Variants in MAP3K5 observed in about 807,000 individuals in gnomAD.
The protein encoded by MAP3K5 is mitogen-activated protein kinase kinase kinase 5, also known as ASK-1.
MAP3K5 carries 56 observed loss-of-function variants against 158.7 expected under a neutral mutation model. That is an observed-to-expected ratio of 0.35 (90% CI 0.28 to 0.44). The LOEUF is 0.44. Among genes scored for constraint, MAP3K5 ranks in the 20% least tolerant of loss-of-function variants. MAP3K5 has a pLI of 1.00. For synonymous variants in MAP3K5, 579 were observed against 601.7 expected (o/e 0.96, Z 0.55); for missense variants, 1,294 against 1,674.8 (o/e 0.77, Z 3.97).
At chr6:136,694,445 G>T in intron 6 of MAP3K5, 135 bp from the exon 7 acceptor site, 1 of 711,926 alleles carries the variant, frequency 1.4e-6, no homozygotes, top group Non-Finnish European at 2.2e-6. Context: ...GATTTTGAGA[G>T]TCCTCTGTAA....
rs764157220 is a variant in MAP3K5 at position 136,592,442 on chromosome 6, A to G, written c.3051T>C (p.Phe1017=). 4.3e-6 allele frequency: 7 copies of G among 1,613,848 alleles called. No individual in the cohort carries two copies. In the African/African-American group the frequency reaches 8.0e-5, roughly 18 times the overall value. The change falls in exon 22 of 30, where the codon TTT becomes TTC. Residue 1017 remains phenylalanine, a synonymous_variant. Coordinates refer to ENST00000359015, the MANE Select transcript of MAP3K5 (RefSeq NM_005923.4). ...ERDVKGIRTL[F]LGIPDENFED... ...CAAGTAAGTCAGGTCTTTACCCCAA[A>G]AAGAGTGTCCGAATTCCCTTGACAT...
In MAP3K5 at chr6:136,557,090, T is replaced by C. The variant is rs1311088767; in HGVS notation, c.*668A>G. 1 of 152,176 alleles carries C rather than the reference T, an allele frequency of 6.6e-6. No individual in the cohort carries two copies. The highest frequency in any genetic ancestry group is 2.4e-5 in the African/African-American group (1 of 41,438). The allele number at this position is 152,176 out of a possible 1,614,324, so 9.4% of individuals were successfully genotyped here. On this transcript the variant is annotated 3_prime_UTR_variant, in exon 30 of 30. Coordinates refer to ENST00000359015, the MANE Select transcript of MAP3K5 (RefSeq NM_005923.4). ...AATTTTTAGAGTAAATATGACACAATGGATAGCTTTAGAACAAGCTAACAT... is the reference window on the plus strand; with the variant it reads ...AATTTTTAGAGTAAATATGACACAACGGATAGCTTTAGAACAAGCTAACAT...
intron 21 of MAP3K5, among the ~76,000 whole-genome samples, chr6:136,598,933 A>T (rs1054834110): frequency 1.3e-5 from 2 of 152,166 alleles, no homozygotes; most frequent in African/African-American, 4.8e-5. Context: ...GCACTTTGGG[A>T]GGCCGAGGTG....
intron 27 of MAP3K5, 31 bp downstream of exon 27, chr6:136,562,472 C>A: frequency 8.7e-7 from 1 of 1,154,538 alleles, no homozygotes; most frequent in South Asian, 1.6e-5. Flanking sequence ...CCTGGCTGAA[C>A]AGTATTACTA....
In MAP3K5 at chr6:136,620,402, G is replaced by A. The variant is rs183546650; in HGVS notation, c.2150+2446C>T. Among the ~76,000 whole-genome samples, 117 of 152,206 alleles carry A rather than the reference G, an allele frequency of 7.7e-4. 1 individual carries two copies. The highest frequency in any genetic ancestry group is 1.4e-3 in the Non-Finnish European group (92 of 68,006). ...CAATATTCTTTTGTAACAAACCTGC[G>A]CATGTACCCCCTGGTTCTAAAATAA... On this transcript the variant is annotated intron_variant, in intron 15 of 29. Transcript: ENST00000359015.
intron 1 of MAP3K5, among the ~76,000 whole-genome samples, chr6:136,777,413 T>C (rs1293197426): frequency 6.6e-6 from 1 of 152,176 alleles, no homozygotes; most frequent in South Asian, 2.1e-4. Flanking sequence ...TAAAGTGCAG[T>C]GGTGCAATTG....
At chr6:136,634,525 C>T (rs1161236788) in intron 14 of MAP3K5, among the ~76,000 whole-genome samples, 2 of 152,104 alleles carry the variant, frequency 1.3e-5, no homozygotes, top group African/African-American at 2.4e-5. Context: ...AGAAATTTTA[C>T]ATTATTCTAA....
chr6:136,630,440 C>T (rs1444558579), intron 14 of MAP3K5: 1 of 152,188 alleles, frequency 6.6e-6, no homozygotes, highest in Non-Finnish European at 1.5e-5. Context: ...TATGTGAGTG[C>T]ATTAGTGAGA....
intron 26 of MAP3K5, among the ~76,000 whole-genome samples, chr6:136,562,858 G>A (rs1183657526): frequency 3.2e-5 from 1 of 31,492 alleles, no homozygotes; most frequent in African/African-American, 1.4e-4. Context: ...TTTTTTTTTT[G>A]TAGAGACAGA....
intron 1 of MAP3K5, among the ~76,000 whole-genome samples, chr6:136,727,606 A>G (rs771281964): frequency 8.5e-5 from 13 of 152,242 alleles, no homozygotes; most frequent in Non-Finnish European, 1.6e-4. Context: ...AATGCACTTA[A>G]TAATTATCTA....
intron 25 of MAP3K5, among the ~76,000 whole-genome samples, chr6:136,572,492 G>C (rs1221768644): frequency 2.0e-5 from 3 of 152,080 alleles, no homozygotes. Context: ...CCTGACCTCA[G>C]GTGATCTGCC....
At chr6:136,596,406 C>T (rs1349959326) in intron 21 of MAP3K5, among the ~76,000 whole-genome samples, 19 of 151,986 alleles carry the variant, frequency 1.3e-4, no homozygotes, top group Admixed American at 8.5e-4. Context: ...CCAGTGATCG[C>T]GTGGAAGGGG....
intron 10 of MAP3K5, among the ~76,000 whole-genome samples, chr6:136,651,955 A>G (rs1352589447): frequency 6.6e-6 from 1 of 152,148 alleles, no homozygotes; most frequent in Admixed American, 6.5e-5. Context: ...GGCAGACTTC[A>G]CTAGGAATGT....
intron 1 of MAP3K5, among the ~76,000 whole-genome samples, chr6:136,777,531 T>C (rs1164748325): frequency 6.6e-6 from 1 of 152,168 alleles, no homozygotes; most frequent in Non-Finnish European, 1.5e-5. Context: ...CCTAAAAATC[T>C]AGGAGATGTC....
chr6:136,676,311 C>T (rs1473969999), intron 7 of MAP3K5, among the ~76,000 whole-genome samples: 2 of 152,164 alleles, frequency 1.3e-5, no homozygotes, highest in Non-Finnish European at 1.5e-5. Flanking sequence ...CTGGTAAATA[C>T]GTCAGTTCAT....
intron 7 of MAP3K5, among the ~76,000 whole-genome samples, chr6:136,685,515 C>T (rs1411248596): frequency 6.6e-6 from 1 of 152,090 alleles, no homozygotes; most frequent in Non-Finnish European, 1.5e-5. Context: ...GGGTCAGGAA[C>T]ATTTATTAAT....
At chr6:136,574,098 T>C (rs1321696587) in intron 25 of MAP3K5, among the ~76,000 whole-genome samples, 2 of 152,036 alleles carry the variant, frequency 1.3e-5, no homozygotes, top group Admixed American at 6.6e-5. Context: ...ACCTGGCTAA[T>C]ATTTGTATTT....
In MAP3K5 at chr6:136,592,626, G is replaced by A; in HGVS notation, c.2879-12C>T. On this transcript the variant is annotated splice_polypyrimidine_tract_variant and intron_variant, in intron 21 of 29. Coordinates refer to ENST00000359015, the MANE Select transcript of MAP3K5 (RefSeq NM_005923.4). Reference sequence around the variant, plus strand: ...ACTCCTGAGATATTCTGCTTGTGATGAGAGGAGGGAAAAGATAATTGACAC... The same window carrying A: ...ACTCCTGAGATATTCTGCTTGTGATAAGAGGAGGGAAAAGATAATTGACAC... 1 of 1,609,452 alleles carries A rather than the reference G, an allele frequency of 6.2e-7. No homozygotes were observed. Among genetic ancestry groups the A allele is most frequent in the Non-Finnish European group, 8.5e-7 (1 of 1,176,274 alleles).
chr6:136,734,536 G>A (rs1018602794), intron 1 of MAP3K5, among the ~76,000 whole-genome samples: 5 of 151,760 alleles, frequency 3.3e-5, no homozygotes, highest in Admixed American at 2.0e-4. Context: ...ATTTCATGAA[G>A]GTGTGCTGGG....
Sources: allele counts gnomAD v4.1 joint callset (sites outside exome capture counted in the v4.1 genomes callset), GRCh38; gene constraint gnomAD v4.1.1; transcripts MANE v1.5; gene names NCBI Gene and HGNC (gene_info 2026-07-23, HGNC 2026-07-21).